Variants in PIGG observed in about 807,000 individuals in gnomAD.
PIGG encodes the protein GPI ethanolamine phosphate transferase 2, catalytic subunit.
Under a neutral mutation model 83.2 loss-of-function variants are expected in PIGG, and 70 were observed. The ratio of observed to expected loss-of-function variants is 0.84; its 90% CI spans 0.69 to 1.03. PIGG has a LOEUF of 1.03. Ranked by LOEUF, PIGG falls within the 50% of genes least tolerant of loss-of-function variation. The pLI is 0.00. For missense variants in PIGG, 1,257 were observed against 1,233.6 expected, an observed-to-expected ratio of 1.02 and a Z score of -0.28; for synonymous variants, 532 against 519.5, an observed-to-expected ratio of 1.02 and a Z score of -0.33.
intron 12 of PIGG, chr4:537,401 T>C (rs767830501): frequency 1.5e-4 from 22 of 150,604 alleles, no homozygotes; most frequent in Admixed American, 9.9e-4. Context: ...GAAGTCAAGG[T>C]GGTGCCATGT....
chr4:509,457 C>T lies in PIGG; in HGVS notation c.901+487C>T, dbSNP rs140295608. ...ACTCTGACCTGTGCCCAGACTCAGC[C>T]GCCAGCCTATGCACTCTGCCCTCGC... is the stretch of plus-strand genomic sequence containing the variant. On this transcript the variant is annotated intron_variant, in intron 5 of 12. Coordinates refer to ENST00000453061, the MANE Select transcript of PIGG (RefSeq NM_001127178.3). Among the ~76,000 whole-genome samples the T allele has an allele frequency of 1.4e-4, 22 of 152,332 alleles. No homozygotes were observed. The South Asian group carries it at 3.5e-3, about 24-fold the overall frequency.
intron 10 of PIGG, 60 bp downstream of exon 10, chr4:527,290 A>C: frequency 6.8e-7 from 1 of 1,475,960 alleles, no homozygotes; most frequent in Non-Finnish European, 8.9e-7. Flanking sequence ...GAACTGGCGG[A>C]CACGGGGCGC....
Position 500,417 on chromosome 4 carries a change from C to A in PIGG, c.176C>A (p.Thr59Lys). 1 of 1,613,730 alleles carries A rather than the reference C, an allele frequency of 6.2e-7. No homozygotes were observed. Among genetic ancestry groups the A allele is most frequent in the Non-Finnish European group, 8.5e-7 (1 of 1,179,666 alleles). ...TTAGGAGCCAGTTCTAACTGGACCA[C>A]GCTGCCACCACCTCTCTTCAGTAAA... ...PSAGASSNWT[T>K]LPPPLFSKVV... The change falls in exon 2 of 13, where the codon ACG (threonine) becomes AAG (lysine). Residue 59 changes from threonine (T) to lysine (K), a missense_variant. Thr to Lys is a moderately conservative substitution (Grantham distance 78). Coordinates refer to ENST00000453061, the MANE Select transcript of PIGG (RefSeq NM_001127178.3).
Position 521,105 on chromosome 4 carries a change from G to A in PIGG, c.1164G>A (p.Trp388Ter). Residue 388 changes from tryptophan to a stop codon, truncating the protein, a stop_gained, in exon 7 of 13, where the codon TGG becomes TGA. Coordinates refer to ENST00000453061, the MANE Select transcript of PIGG (RefSeq NM_001127178.3). LOFTEE classifies it high-confidence loss of function. ...FKMSERLHGN[W>*]IRLYLEEKHS... ...TGTCAGAAAGATTGCATGGGAACTG[G>A]ATCAGACTGTACTTGGAGGAAAAGC... 2.0e-5 allele frequency: 32 copies of A among 1,614,174 alleles called. No individual in the cohort carries two copies. Among genetic ancestry groups the A allele is most frequent in the Non-Finnish European group, 2.6e-5 (31 of 1,180,012 alleles).
At chr4:535,538 G>T (rs1018372209) in intron 12 of PIGG, among the ~76,000 whole-genome samples, 2 of 127,338 alleles carry the variant, frequency 1.6e-5, no homozygotes, top group African/African-American at 3.6e-5. Context: ...CGTGTGTCCT[G>T]TGGTGACCGG....
In PIGG at chr4:507,465, T is replaced by C. The variant is rs782778005; in HGVS notation, c.631T>C (p.Leu211=). 3.1e-6 allele frequency: 5 copies of C among 1,613,874 alleles called. No individual in the cohort carries two copies. Among genetic ancestry groups the C allele is most frequent in the Non-Finnish European group, 4.2e-6 (5 of 1,179,844 alleles). Residue 211 remains leucine (L), a synonymous_variant, in exon 4 of 13, where the codon TTA becomes CTA. Transcript: ENST00000453061. ...KVLKRGDWDI[L]ILHYLGLDHI... ...ATTAAAAAGAGGAGATTGGGACATA[T>C]TAATCCTCCACTACCTGGGGCTGGA...
At chr4:505,632 CAAAAAA>C in intron 2 of PIGG, 80 bp from the exon 3 acceptor site, 1 of 737,676 alleles carries the variant, frequency 1.4e-6, no homozygotes, top group Non-Finnish European at 2.1e-6. Flanking sequence ...GACCCTGTCT[CAAAAAA>C]AAAAAAAAAA....
rs782216434 is a variant in PIGG, at chr4:508,824, T to TA, written c.760-2dup. ...CAGTTGAAATGTTTTTCCTTTGCCTTAAAGGAGAGAGAGACGCCTTTACCC... is the reference window on the plus strand; with the variant it reads ...CAGTTGAAATGTTTTTCCTTTGCCTTAAAAGGAGAGAGAGACGCCTTTACCC... On this transcript the variant is annotated splice_region_variant and splice_polypyrimidine_tract_variant and intron_variant, in intron 4 of 12. Coordinates refer to ENST00000453061, the MANE Select transcript of PIGG (RefSeq NM_001127178.3). 6.2e-7 allele frequency: 1 copy of TA among 1,613,568 alleles called. No homozygotes were observed. The highest frequency in any genetic ancestry group is 1.1e-5 in the South Asian group (1 of 91,018).
intron 6 of PIGG, among the ~76,000 whole-genome samples, chr4:520,588 G>C (rs1725519439): frequency 6.6e-6 from 1 of 152,252 alleles, no homozygotes. Flanking sequence ...GGCAGAGAAG[G>C]GTCAGGCCGC....
intron 9 of PIGG, among the ~76,000 whole-genome samples, chr4:526,275 C>A (rs1161225334): frequency 6.6e-6 from 1 of 152,234 alleles, no homozygotes; most frequent in Non-Finnish European, 1.5e-5. Context: ...CGGGGTGAGG[C>A]CCAGGCCCCC....
chr4:527,605 G>A (rs1728013588), intron 10 of PIGG: 1 of 1,006,870 alleles, frequency 9.9e-7, no homozygotes, highest in African/African-American at 1.7e-5. Context: ...TGTTTTCCTG[G>A]TCAGGGTGTA....
chr4:527,105 G>A lies in PIGG; in HGVS notation c.2136G>A (p.Val712=), dbSNP rs1727846067. Residue 712 remains valine, a synonymous_variant, in exon 10 of 13, where the codon GTG becomes GTA. Transcript: ENST00000453061. ...ALSLLVVFVL[V]QRGCSPVSKA... ...CCCTCCTCGTAGTTTTTGTGCTGGT[G>A]CAGAGGGGGTGCTCCCCTGTGTCCA... 2 of 1,614,064 alleles carry A rather than the reference G, an allele frequency of 1.2e-6. No individual in the cohort carries two copies. The highest frequency in any genetic ancestry group is 2.7e-5 in the African/African-American group (2 of 74,922).
In PIGG at chr4:502,769, G is replaced by A. The variant is rs1036531930; in HGVS notation, c.360+2168G>A. Among the ~76,000 whole-genome samples, 3 of 152,136 alleles carry A rather than the reference G, an allele frequency of 2.0e-5. No homozygotes were observed. In the South Asian group the frequency reaches 6.2e-4, roughly 32 times the overall value. ...TCGGTGGGAACCCAAGCTAGTGTGA[G>A]GATGAGGGAGGTGCCTTGTAAAAGC... On this transcript the variant is annotated intron_variant, in intron 2 of 12. Transcript: ENST00000453061.
chr4:507,490 A>ACCACATTGG lies in PIGG; in HGVS notation c.664_672dup (p.Gly222_Ile224dup). The ACCACATTGG allele has an allele frequency of 6.2e-7, 1 of 1,614,054 alleles. No individual in the cohort carries two copies. The highest frequency in any genetic ancestry group is 8.5e-7 in the Non-Finnish European group (1 of 1,179,890). On this transcript the variant is annotated inframe_insertion, in exon 4 of 13. Coordinates refer to ENST00000453061, the MANE Select transcript of PIGG (RefSeq NM_001127178.3). Reference sequence around the variant, plus strand: ...TTAATCCTCCACTACCTGGGGCTGGACCACATTGGCCACATTTCAGGGCCC... The same window carrying ACCACATTGG: ...TTAATCCTCCACTACCTGGGGCTGGACCACATTGGCCACATTGGCCACATTTCAGGGCCC...
At chr4:517,657 G>C (rs1423350008) in intron 6 of PIGG, among the ~76,000 whole-genome samples, 1 of 152,162 alleles carries the variant, frequency 6.6e-6, no homozygotes, top group East Asian at 1.9e-4. Context: ...CAGATGGAGA[G>C]TGGGGGAAGG....
chr4:508,002 GTC>G (rs1171494892), intron 4 of PIGG, among the ~76,000 whole-genome samples: 12 of 151,544 alleles, frequency 7.9e-5, no homozygotes, highest in Admixed American at 4.0e-4. Flanking sequence ...CTGTGCCACT[GTC>G]TCTGTTCTGT....
rs750645445 is a variant in PIGG at position 523,921 on chromosome 4, C to G, written c.2069+8C>G. ...CGGCCACTGGCTCACCAGGTGAGAG[C>G]GTAGGCCCGTGGCCACAGGCCAGAC... On this transcript the variant is annotated splice_region_variant and intron_variant, in intron 9 of 12. Coordinates refer to ENST00000453061, the MANE Select transcript of PIGG (RefSeq NM_001127178.3). 6 of 1,488,116 alleles carry G rather than the reference C, an allele frequency of 4.0e-6. No homozygotes were observed. The East Asian group carries it at 1.5e-4, about 37-fold the overall frequency. 92.2% of individuals were successfully genotyped at this position (1,488,116 alleles called of 1,614,324 possible). A position where few individuals can be genotyped will look rare whatever the true frequency, so the allele number is the denominator to read the frequency against.
intron 6 of PIGG, among the ~76,000 whole-genome samples, chr4:516,979 G>T (rs1724106039): frequency 6.6e-6 from 1 of 152,176 alleles, no homozygotes; most frequent in Non-Finnish European, 1.5e-5. Flanking sequence ...CAGGCTGTGG[G>T]GGCAGCAGAC....
rs769617526 is a variant in PIGG, at chr4:530,505, A to G, written c.2331A>G (p.Leu777=). The G allele has an allele frequency of 2.2e-5, 36 of 1,612,958 alleles. No individual in the cohort carries two copies. The highest frequency in any genetic ancestry group is 2.9e-5 in the Non-Finnish European group (34 of 1,179,018). Residue 777 remains leucine (L), a synonymous_variant, in exon 11 of 13, where the codon TTA becomes TTG. Coordinates refer to ENST00000453061, the MANE Select transcript of PIGG (RefSeq NM_001127178.3). ...TTCTGTTCACGGGCACCAAAGACTT[A>G]CTTAAATCTCAAGTCATTGCTGCAG... ...LGILFTGTKD[L]LKSQVIAADF...
Sources: allele counts gnomAD v4.1 joint callset (sites outside exome capture counted in the v4.1 genomes callset), GRCh38; gene constraint gnomAD v4.1.1; transcripts MANE v1.5; gene names NCBI Gene and HGNC (gene_info 2026-07-23, HGNC 2026-07-21).